Variants in GJB7 observed in about 807,000 individuals in gnomAD.
The protein encoded by GJB7 is gap junction beta-7 protein.
For synonymous variants in GJB7, 87 were observed against 95.2 expected (o/e 0.91, Z 0.50); for missense variants, 253 against 256.8 (o/e 0.99, Z 0.10).
At chr6:87,304,451 T>C (rs545286303) in intron 2 of GJB7, among the ~76,000 whole-genome samples, 5 of 152,236 alleles carry the variant, frequency 3.3e-5, no homozygotes, top group Admixed American at 3.3e-4. Context: ...TCTGGACACA[T>C]ACACCCTCCC....
At position 87,322,846 on chromosome 6, in the gene GJB7, A is replaced by C. The variant is rs1044027890; in HGVS notation, c.-28+20T>G. 4 of 152,118 alleles carry C rather than the reference A, an allele frequency of 2.6e-5. No homozygotes were observed. Among genetic ancestry groups the C allele is most frequent in the Non-Finnish European group, 5.9e-5 (4 of 68,112 alleles). The allele number at this position is 152,118 out of a possible 1,614,324, so 9.4% of individuals were successfully genotyped here. ...TCGGTGAAGCTCTCTGGCCCCACAG[A>C]GCCCATTTCCCGTACTCACCTTGCG... On this transcript the variant is annotated intron_variant, in intron 2 of 2. Transcript: ENST00000525899.
chr6:87,285,019 G>C lies in GJB7; in HGVS notation c.-27-80C>G, dbSNP rs950286471. 3.1e-5 allele frequency: 28 copies of C among 896,934 alleles called. No individual in the cohort carries two copies. The African/African-American group carries it at 3.2e-4, about 10-fold the overall frequency. 55.6% of individuals were successfully genotyped at this position (896,934 alleles called of 1,614,324 possible). A position where few individuals can be genotyped will look rare whatever the true frequency, so the allele number is the denominator to read the frequency against. ...TTCTACTATTTGAGGGATTATGTAA[G>C]ATAAATTACAATTTCTGCATTATAA... On this transcript the variant is annotated intron_variant, in intron 2 of 2. Coordinates refer to ENST00000525899, the MANE Select transcript of GJB7 (RefSeq NM_198568.3).
intron 2 of GJB7, among the ~76,000 whole-genome samples, chr6:87,310,303 T>A (rs1776496957): frequency 6.6e-6 from 1 of 152,176 alleles, no homozygotes. Context: ...TAAGGCCTAA[T>A]AAATTGAATT....
chr6:87,284,135 G>C lies in GJB7; in HGVS notation c.*106C>G, dbSNP rs1277714390. The C allele has an allele frequency of 3.4e-6, 3 of 879,112 alleles. No homozygotes were observed. The highest frequency in any genetic ancestry group is 4.7e-5 in the Admixed American group (2 of 42,142). 54.5% of individuals were successfully genotyped at this position (879,112 alleles called of 1,614,324 possible). ...TAACCCTCTTGTGTGTCACAGAGTA[G>C]CTTTGCTTCAGGTAGAGGGAGTGTG... On this transcript the variant is annotated 3_prime_UTR_variant, in exon 3 of 3. Transcript: ENST00000525899.
At chr6:87,292,038 T>G (rs1776182401) in intron 2 of GJB7, 1 of 152,230 alleles carries the variant, frequency 6.6e-6, no homozygotes, top group South Asian at 2.1e-4. Context: ...AACTAGTGCT[T>G]TAAGCCCAGT....
chr6:87,319,787 C>A (rs1328275056), intron 2 of GJB7, among the ~76,000 whole-genome samples: 4 of 152,058 alleles, frequency 2.6e-5, no homozygotes, highest in African/African-American at 9.7e-5. Flanking sequence ...TGTCCATCGA[C>A]AGATAAATGG....
intron 2 of GJB7, among the ~76,000 whole-genome samples, chr6:87,295,884 AG>A (rs1227856854): frequency 1.3e-5 from 2 of 152,236 alleles, no homozygotes; most frequent in Admixed American, 1.3e-4. Flanking sequence ...ATTTTTCCTA[AG>A]AAAGAAGAAC....
At chr6:87,293,475 A>G (rs1280552122) in intron 2 of GJB7, among the ~76,000 whole-genome samples, 1 of 151,576 alleles carries the variant, frequency 6.6e-6, no homozygotes, top group East Asian at 1.9e-4. Flanking sequence ...TTTTTTTTAC[A>G]GAGATCCCAG....
At chr6:87,313,476 A>C (rs1046650103) in intron 2 of GJB7, among the ~76,000 whole-genome samples, 1 of 152,250 alleles carries the variant, frequency 6.6e-6, no homozygotes, top group Non-Finnish European at 1.5e-5. Flanking sequence ...AGTCTTGTGA[A>C]GTACCTTCTC....
chr6:87,294,617 G>C (rs1409450020), intron 2 of GJB7, among the ~76,000 whole-genome samples: 1 of 152,182 alleles, frequency 6.6e-6, no homozygotes, highest in Non-Finnish European at 1.5e-5. Context: ...GGTCTTTTTT[G>C]CACTGGTTAG....
At chr6:87,301,716 C>T (rs1299151900) in intron 2 of GJB7, among the ~76,000 whole-genome samples, 4 of 152,212 alleles carry the variant, frequency 2.6e-5, no homozygotes, top group Admixed American at 6.5e-5. Context: ...GATCTGAGAA[C>T]GGACAGACTG....
At chr6:87,300,076 G>T (rs1412718294) in intron 2 of GJB7, 1 of 326,310 alleles carries the variant, frequency 3.1e-6, no homozygotes. Context: ...TCTGGGAGGG[G>T]GTTGTGCCTT....
At chr6:87,320,803 GC>G (rs1308629965) in intron 2 of GJB7, among the ~76,000 whole-genome samples, 1 of 152,188 alleles carries the variant, frequency 6.6e-6, no homozygotes, top group Non-Finnish European at 1.5e-5. Context: ...GTTAAGGTAA[GC>G]GGGGGTGTTG....
chr6:87,292,793 C>G (rs1776196572), intron 2 of GJB7, among the ~76,000 whole-genome samples: 1 of 152,128 alleles, frequency 6.6e-6, no homozygotes, highest in Non-Finnish European at 1.5e-5. Flanking sequence ...GAAAACATAA[C>G]CAGAGAGTGG....
rs953134662 is a variant in GJB7, at chr6:87,321,525, C to T, written c.-28+1341G>A. Among the ~76,000 whole-genome samples, 3 of 152,222 alleles carry T rather than the reference C, an allele frequency of 2.0e-5. No individual in the cohort carries two copies. The East Asian group carries it at 5.8e-4, about 29-fold the overall frequency. On this transcript the variant is annotated intron_variant, in intron 2 of 2. Transcript: ENST00000525899. ...GGGAGGAAGGTATAATGAGGCATAT[C>T]CAACCGCCCACCCCTTCCCATCAGG...
chr6:87,302,390 T>G (rs1182718989), intron 2 of GJB7, among the ~76,000 whole-genome samples: 2 of 152,220 alleles, frequency 1.3e-5, no homozygotes, highest in Non-Finnish European at 2.9e-5. Flanking sequence ...TGCACAAGCT[T>G]CAGTAGCCAA....
At chr6:87,292,691 G>A (rs756396658) in intron 2 of GJB7, among the ~76,000 whole-genome samples, 3 of 152,208 alleles carry the variant, frequency 2.0e-5, no homozygotes, top group Non-Finnish European at 2.9e-5. Context: ...TTTCCTGCTA[G>A]AATGAGAATA....
At chr6:87,294,803 A>G (rs6921010) in intron 2 of GJB7, among the ~76,000 whole-genome samples, 2,236 of 152,288 alleles carry the variant, frequency 0.015, 56 homozygotes, top group African/African-American at 0.05. Context: ...GGAGTTACTT[A>G]TCAGAATTTG....
chr6:87,314,930 T>C (rs770125822), intron 2 of GJB7, among the ~76,000 whole-genome samples: 1 of 152,156 alleles, frequency 6.6e-6, no homozygotes, highest in Non-Finnish European at 1.5e-5. Flanking sequence ...AATCATATGA[T>C]GTCAGGAAAT....
Sources: allele counts gnomAD v4.1 joint callset (sites outside exome capture counted in the v4.1 genomes callset), GRCh38; gene constraint gnomAD v4.1.1; transcripts MANE v1.5; gene names NCBI Gene and HGNC (gene_info 2026-07-23, HGNC 2026-07-21).